Variants in CSMD1 observed in about 807,000 individuals in gnomAD.
CSMD1 encodes CUB and sushi domain-containing protein 1.
A neutral mutation model predicts 417.5 loss-of-function variants in CSMD1; 213 were observed. That is an observed-to-expected ratio of 0.51 (90% confidence interval 0.46 to 0.57). The LOEUF (loss-of-function observed/expected upper bound fraction) is 0.57, where lower values mean the gene tolerates loss of function less well. CSMD1 is among the 20% of genes least tolerant of loss of function. The probability of loss-of-function intolerance (pLI) is 0.00; values close to 1 mark genes in which losing one functional copy is unlikely to be tolerated. For missense variants in CSMD1, 6,923 were observed against 4,529.7 expected (o/e 1.53, Z -15.17); for synonymous variants, 2,862 against 1,736.8 (o/e 1.65, Z -16.11).
At chr8:3,160,472 A>G (rs1819815725) in intron 38 of CSMD1, among the ~76,000 whole-genome samples, 1 of 152,162 alleles carries the variant, frequency 6.6e-6, no homozygotes, top group Non-Finnish European at 1.5e-5. Flanking sequence ...GTTGTGTCCT[A>G]AAGATTCAGC....
intron 30 of CSMD1, among the ~76,000 whole-genome samples, chr8:3,211,953 C>A (rs1023036124): frequency 6.6e-6 from 1 of 152,186 alleles, no homozygotes; most frequent in Non-Finnish European, 1.5e-5. Flanking sequence ...TGGGCCAGGA[C>A]AGGGAAGGGT....
At chr8:3,168,967 C>G (rs958541375) in intron 37 of CSMD1, among the ~76,000 whole-genome samples, 13 of 152,044 alleles carry the variant, frequency 8.6e-5, no homozygotes, top group African/African-American at 3.1e-4. Context: ...TAGCATTTTA[C>G]TGGTGCAGAG....
At chr8:3,636,951 T>C (rs764137468) in intron 7 of CSMD1, among the ~76,000 whole-genome samples, 1 of 152,170 alleles carries the variant, frequency 6.6e-6, no homozygotes, top group Non-Finnish European at 1.5e-5. Context: ...ATTGAGATGA[T>C]GGATTGCTAT....
chr8:3,173,001 T>C lies in CSMD1; in HGVS notation c.5725+8109A>G, dbSNP rs138822687. ...CCTAAGTGGCTGTCCCAAGAAGTGATTGTAGGATAAGTCCACCCCTACCCC... is the reference window on the plus strand; with the variant it reads ...CCTAAGTGGCTGTCCCAAGAAGTGACTGTAGGATAAGTCCACCCCTACCCC... On this transcript the variant is annotated intron_variant, in intron 37 of 69. Transcript: ENST00000635120. Among the ~76,000 whole-genome samples the C allele has an allele frequency of 1.5e-3, 231 of 152,264 alleles. 1 individual carries two copies. The highest frequency in any genetic ancestry group is 5.1e-3 in the African/African-American group (212 of 41,542).
chr8:4,437,011 C>T (rs1005668483), intron 2 of CSMD1, among the ~76,000 whole-genome samples: 1 of 152,140 alleles, frequency 6.6e-6, no homozygotes, highest in African/African-American at 2.4e-5. Flanking sequence ...TATCCTGATT[C>T]TCTCTATCCC....
chr8:4,843,066 C>T (rs1800932211), intron 1 of CSMD1, among the ~76,000 whole-genome samples: 1 of 152,134 alleles, frequency 6.6e-6, no homozygotes, highest in South Asian at 2.1e-4. Context: ...AATTTACTCT[C>T]TTAAAGCTAA....
chr8:4,096,447 C>G (rs770595918), intron 3 of CSMD1, among the ~76,000 whole-genome samples: 24 of 152,070 alleles, frequency 1.6e-4, no homozygotes, highest in Non-Finnish European at 2.9e-4. Context: ...CCAGATGATC[C>G]CCATCTAAAA....
chr8:3,775,733 G>C lies in CSMD1; in HGVS notation c.819-21691C>G, dbSNP rs542377033. The stretch of plus-strand genomic sequence containing the variant: ...ATGCACGCAAACACACAGTTCAAAT[G>C]ATATGAACTATAAACTTGTTTTACT... On this transcript the variant is annotated intron_variant, in intron 5 of 69. Coordinates refer to ENST00000635120, the MANE Select transcript of CSMD1 (RefSeq NM_033225.6). Among the ~76,000 whole-genome samples the C allele has an allele frequency of 2.0e-5, 3 of 152,304 alleles. No individual in the cohort carries two copies. The East Asian group carries it at 5.8e-4, about 29-fold the overall frequency.
chr8:3,732,470 CA>C (rs757211551), intron 6 of CSMD1, among the ~76,000 whole-genome samples: 1 of 151,956 alleles, frequency 6.6e-6, no homozygotes, highest in African/African-American at 2.4e-5. Flanking sequence ...AATTTAACTA[CA>C]AAAAACAAAA....
intron 10 of CSMD1, among the ~76,000 whole-genome samples, chr8:3,511,002 C>A (rs7009974): frequency 1.3e-5 from 2 of 151,418 alleles, no homozygotes; most frequent in East Asian, 3.9e-4. Flanking sequence ...AATGATAGAC[C>A]AAACAAAGAA....
chr8:4,784,211 G>C (rs1585092710), intron 1 of CSMD1, among the ~76,000 whole-genome samples: 1 of 152,162 alleles, frequency 6.6e-6, no homozygotes, highest in African/African-American at 2.4e-5. Context: ...TATTTGACTT[G>C]TTTGAACATT....
At chr8:4,672,208 T>C (rs1445576143) in intron 1 of CSMD1, among the ~76,000 whole-genome samples, 1 of 152,170 alleles carries the variant, frequency 6.6e-6, no homozygotes, top group Non-Finnish European at 1.5e-5. Flanking sequence ...GAGAGGACAA[T>C]GGCAGCTGCA....
intron 2 of CSMD1, among the ~76,000 whole-genome samples, chr8:4,487,056 T>A (rs997332727): frequency 6.6e-6 from 1 of 152,166 alleles, no homozygotes; most frequent in Non-Finnish European, 1.5e-5. Context: ...TCTTTCCGCT[T>A]TCTAATTAAG....
At chr8:4,254,543 G>T (rs140582450) in intron 3 of CSMD1, among the ~76,000 whole-genome samples, 227 of 152,208 alleles carry the variant, frequency 1.5e-3, no homozygotes, top group African/African-American at 5.3e-3. Flanking sequence ...TGTTTATGAA[G>T]ACTACAGTAG....
At chr8:4,342,466 C>A (rs972977347) in intron 3 of CSMD1, among the ~76,000 whole-genome samples, 1 of 152,018 alleles carries the variant, frequency 6.6e-6, no homozygotes, top group African/African-American at 2.4e-5. Flanking sequence ...AGACAATAAA[C>A]TGGCAGAAAA....
chr8:4,787,280 G>T (rs951473913), intron 1 of CSMD1: 5 of 639,660 alleles, frequency 7.8e-6, no homozygotes, highest in South Asian at 1.7e-5. Flanking sequence ...CTCTTTTCTA[G>T]AGCTCTGCCT....
intron 3 of CSMD1, among the ~76,000 whole-genome samples, chr8:4,071,967 G>C (rs894444466): frequency 2.0e-5 from 3 of 152,158 alleles, no homozygotes; most frequent in African/African-American, 4.8e-5. Flanking sequence ...CTCCAGTCTA[G>C]AGCTCTCCTT....
In CSMD1 at chr8:3,448,695, G is replaced by T. The variant is rs118108293; in HGVS notation, c.1561+20017C>A. Among the ~76,000 whole-genome samples, 487 of 152,224 alleles carry T rather than the reference G, an allele frequency of 3.2e-3. 6 individuals are homozygous for T. The highest frequency in any genetic ancestry group is 4.7e-3 in the Non-Finnish European group (320 of 68,004). ...GCATGACCCATGACCTTCAGGAACT[G>T]CAGCATCGAGAGTCCTCTAGGCTGA... On this transcript the variant is annotated intron_variant, in intron 12 of 69. Coordinates refer to ENST00000635120, the MANE Select transcript of CSMD1 (RefSeq NM_033225.6).
At chr8:3,022,845 C>A (rs191779314) in intron 51 of CSMD1, among the ~76,000 whole-genome samples, 33 of 152,114 alleles carry the variant, frequency 2.2e-4, no homozygotes, top group African/African-American at 8.0e-4. Context: ...AGATCAGAGT[C>A]AGGAATTGTT....
Sources: allele counts gnomAD v4.1 joint callset (sites outside exome capture counted in the v4.1 genomes callset), GRCh38; gene constraint gnomAD v4.1.1; transcripts MANE v1.5; gene names NCBI Gene and HGNC (gene_info 2026-07-23, HGNC 2026-07-21).